The following GRIK2 variants were observed in gnomAD, a reference collection of about 807,000 sequenced individuals.
The protein encoded by GRIK2 is glutamate ionotropic receptor kainate type subunit 2, also known as glutamate receptor ionotropic, kainate 2.
Under a neutral mutation model 100.3 loss-of-function variants are expected in GRIK2, and 32 were observed. The observed-to-expected ratio is 0.32, with a 90% CI of 0.24 to 0.43. The LOEUF is 0.43. Ranked by LOEUF, GRIK2 falls within the 20% of genes least tolerant of loss-of-function variation. The pLI is 1.00. For missense variants in GRIK2, 843 were observed against 1,114.9 expected (o/e 0.76, Z 3.47); for synonymous variants, 417 against 389.4 (o/e 1.07, Z -0.83).
chr6:101,979,673 G>T (rs1793599445), intron 14 of GRIK2, among the ~76,000 whole-genome samples: 1 of 151,860 alleles, frequency 6.6e-6, no homozygotes, highest in African/African-American at 2.4e-5. Flanking sequence ...AAAGTCTATT[G>T]GTGAAGCTAG....
At chr6:101,733,689 C>T (rs1391998024) in intron 7 of GRIK2, among the ~76,000 whole-genome samples, 6 of 139,552 alleles carry the variant, frequency 4.3e-5, no homozygotes, top group Non-Finnish European at 6.3e-5. Flanking sequence ...TTGACAAATT[C>T]CTGATTTAAT....
intron 14 of GRIK2, among the ~76,000 whole-genome samples, chr6:102,016,687 C>A (rs1470152474): frequency 1.3e-5 from 2 of 151,880 alleles, no homozygotes; most frequent in African/African-American, 4.8e-5. Context: ...ATAAAAGCAA[C>A]TTGGAAAATA....
chr6:101,399,759 G>A lies in GRIK2; in HGVS notation c.115+367G>A, dbSNP rs1451361532. 2.0e-5 allele frequency among the ~76,000 whole-genome samples: 3 copies of A among 152,188 alleles called. No homozygotes were observed. The East Asian group carries it at 5.8e-4, about 29-fold the overall frequency. On this transcript the variant is annotated intron_variant, in intron 2 of 16. Transcript: ENST00000369134. ...CGGTCCGCGCAAAAGTGCGCGCCGG[G>A]GCTGCACGCCTCTCAGCTTGCGGGG...
intron 9 of GRIK2, among the ~76,000 whole-genome samples, chr6:101,804,012 C>G (rs896853422): frequency 5.3e-4 from 81 of 151,902 alleles, no homozygotes; most frequent in African/African-American, 1.9e-3. Flanking sequence ...TCCTTATCCT[C>G]AAGGGGCTTT....
chr6:101,561,050 A>G (rs1254346849), intron 2 of GRIK2, among the ~76,000 whole-genome samples: 2 of 152,188 alleles, frequency 1.3e-5, no homozygotes, highest in Non-Finnish European at 1.5e-5. Flanking sequence ...GTAATGAGAC[A>G]AAAGATAGCA....
chr6:101,587,991 G>T (rs1474040819), intron 2 of GRIK2, among the ~76,000 whole-genome samples: 1 of 151,982 alleles, frequency 6.6e-6, no homozygotes, highest in Admixed American at 6.6e-5. Context: ...AAATAACTTT[G>T]GGGCAGCTAA....
chr6:101,656,748 A>T (rs977014245), intron 4 of GRIK2, among the ~76,000 whole-genome samples: 8 of 152,226 alleles, frequency 5.3e-5, no homozygotes, highest in African/African-American at 1.9e-4. Flanking sequence ...TAACCAAAGA[A>T]AGAAGAAAGA....
intron 14 of GRIK2, among the ~76,000 whole-genome samples, chr6:101,963,514 T>TA (rs1279218442): frequency 2.1e-5 from 3 of 141,404 alleles, no homozygotes; most frequent in Non-Finnish European, 3.1e-5. Context: ...TCTTTCTTTT[T>TA]TTTTTTTTTT....
intron 7 of GRIK2, among the ~76,000 whole-genome samples, chr6:101,778,897 G>A (rs911112102): frequency 6.6e-6 from 1 of 152,076 alleles, no homozygotes; most frequent in Non-Finnish European, 1.5e-5. Context: ...CTGGACATTG[G>A]TAGCTTGGTA....
At chr6:101,728,255 G>A (rs1196806386) in intron 7 of GRIK2, among the ~76,000 whole-genome samples, 1 of 152,016 alleles carries the variant, frequency 6.6e-6, no homozygotes, top group Non-Finnish European at 1.5e-5. Flanking sequence ...GGTATAATTT[G>A]AGTCAGAAAA....
chr6:101,771,570 A>G (rs1444074169), intron 7 of GRIK2, among the ~76,000 whole-genome samples: 3 of 151,416 alleles, frequency 2.0e-5, no homozygotes, highest in African/African-American at 2.4e-5. Flanking sequence ...TTTAGGGTAC[A>G]TGTGCACAAT....
chr6:101,524,766 T>G (rs1370559405), intron 2 of GRIK2, among the ~76,000 whole-genome samples: 1 of 151,690 alleles, frequency 6.6e-6, no homozygotes, highest in African/African-American at 2.4e-5. Flanking sequence ...AGTTTCGCTC[T>G]TGTTGCCCAG....
At chr6:101,639,574 G>C (rs1280597237) in intron 4 of GRIK2, among the ~76,000 whole-genome samples, 1 of 151,748 alleles carries the variant, frequency 6.6e-6, no homozygotes, top group Non-Finnish European at 1.5e-5. Flanking sequence ...CTGGGCGAGA[G>C]AGCGACACTC....
At chr6:101,614,540 G>A (rs1357558635) in intron 2 of GRIK2, among the ~76,000 whole-genome samples, 1 of 151,570 alleles carries the variant, frequency 6.6e-6, no homozygotes. Context: ...TCCATGGCAT[G>A]TCATTTAATA....
At chr6:101,401,378 A>T (rs1373328314) in intron 2 of GRIK2, among the ~76,000 whole-genome samples, 7 of 152,008 alleles carry the variant, frequency 4.6e-5, no homozygotes, top group South Asian at 2.1e-4. Flanking sequence ...TCTCTCTCTC[A>T]CACACACGCA....
chr6:101,872,651 C>A (rs1444857885), intron 11 of GRIK2, among the ~76,000 whole-genome samples: 3 of 151,820 alleles, frequency 2.0e-5, no homozygotes, highest in Non-Finnish European at 4.4e-5. Context: ...GAGCACTCAT[C>A]AATAATTCCC....
intron 14 of GRIK2, among the ~76,000 whole-genome samples, chr6:101,970,680 C>CTGTTGTTATATTATTTAGTTTTA (rs1276400612): frequency 3.3e-5 from 5 of 150,870 alleles, no homozygotes; most frequent in African/African-American, 1.2e-4. Flanking sequence ...TACTCATGCC[C>CTGTTGTTATATTATTTAGTTTTA]CATCCCAATA....
At chr6:102,011,290 T>A (rs1372687329) in intron 14 of GRIK2, among the ~76,000 whole-genome samples, 1 of 152,184 alleles carries the variant, frequency 6.6e-6, no homozygotes, top group Non-Finnish European at 1.5e-5. Context: ...AATTCCTTAA[T>A]GATATATGAT....
At chr6:101,714,047 C>T (rs1562328854) in intron 7 of GRIK2, among the ~76,000 whole-genome samples, 2 of 151,628 alleles carry the variant, frequency 1.3e-5, no homozygotes, top group East Asian at 1.9e-4. Flanking sequence ...TAAAGATCCA[C>T]CTTTCTTTCT....
Sources: gnomAD v4.1 joint callset for allele counts (sites outside exome capture counted in the v4.1 genomes callset) on GRCh38, gnomAD v4.1.1 for gene constraint, MANE v1.5 for transcripts, NCBI Gene and HGNC (gene_info 2026-07-23, HGNC 2026-07-21) for gene names.